The following CD53 variants were observed in gnomAD, a reference collection of about 807,000 sequenced individuals.
The protein encoded by CD53 is leukocyte surface antigen CD53.
Under a neutral mutation model 27.3 loss-of-function variants are expected in CD53, and 20 were observed. That is an observed-to-expected ratio of 0.73 (90% CI 0.52 to 1.07). The LOEUF (loss-of-function observed/expected upper bound fraction) is 1.07. Among genes scored for constraint, CD53 ranks in the 50% least tolerant of loss-of-function variants. CD53 has a pLI of 0.00. For synonymous variants in CD53, 106 were observed against 105.3 expected, an observed-to-expected ratio of 1.01 and a Z score of -0.04; for missense variants, 216 against 264.0, an observed-to-expected ratio of 0.82 and a Z score of 1.26.
chr1:110,878,784 T>C (rs1053793135), intron 1 of CD53, among the ~76,000 whole-genome samples: 9 of 152,206 alleles, frequency 5.9e-5, no homozygotes, highest in Non-Finnish European at 1.2e-4. Flanking sequence ...TTGCTGGGAT[T>C]TTCCAACATG....
chr1:110,887,695 A>G (rs1656683715), intron 1 of CD53, among the ~76,000 whole-genome samples: 1 of 152,176 alleles, frequency 6.6e-6, no homozygotes, highest in South Asian at 2.1e-4. Context: ...TGTGTACTCT[A>G]GCCTGTGAAT....
intron 3 of CD53, 161 bp from the exon 4 acceptor site, chr1:110,894,166 A>T (rs1436368084): frequency 1.6e-6 from 1 of 640,962 alleles, no homozygotes; most frequent in South Asian, 1.8e-5. Flanking sequence ...TAGAAAAAGA[A>T]CACATATTTT....
chr1:110,882,376 T>A (rs1656390942), intron 1 of CD53, among the ~76,000 whole-genome samples: 1 of 151,806 alleles, frequency 6.6e-6, no homozygotes, highest in South Asian at 2.1e-4. Flanking sequence ...TAATTTTGTA[T>A]TTTTTTTGAA....
Position 110,897,810 on chromosome 1 carries a change from G to A in CD53, c.506G>A (p.Gly169Asp). The A allele has an allele frequency of 6.3e-7, 1 of 1,592,372 alleles. No individual in the cohort carries two copies. The highest frequency in any genetic ancestry group is 8.6e-7 in the Non-Finnish European group (1 of 1,160,774). The change falls in exon 7 of 8, where the codon GGT (glycine) becomes GAT (aspartate). Residue 169 changes from glycine (G) to aspartate (D), a missense_variant and splice_region_variant. Physicochemically the swap from Gly to Asp is moderately conservative, Grantham distance 94. Transcript: ENST00000271324. ...ATTTGTAACTGAAATGTCTTCTAGG[G>A]TTGCTATGCGAAAGCAAGACTGTGG... ...ASCPSDRKVE[G>D]CYAKARLWFH...
chr1:110,898,011 A>G, intron 7 of CD53, 119 bp downstream of exon 7: 1 of 532,532 alleles, frequency 1.9e-6, no homozygotes, highest in Non-Finnish European at 3.3e-6. Context: ...TTACTAATAT[A>G]TGAATTCCCC....
In CD53 at chr1:110,898,616, T is replaced by C. The variant is rs187896210; in HGVS notation, c.589-508T>C. 3.9e-5 allele frequency among the ~76,000 whole-genome samples: 6 copies of C among 152,196 alleles called. No individual in the cohort carries two copies. The East Asian group carries it at 1.2e-3, about 29-fold the overall frequency. On this transcript the variant is annotated intron_variant, in intron 7 of 7. Transcript: ENST00000271324. ...TTTCCTCTTTGTTTCTGTGCTTAGT[T>C]TGACAAGTGATGGGTGAATTGAGGG...
intron 1 of CD53, among the ~76,000 whole-genome samples, chr1:110,881,479 C>A (rs1156807607): frequency 6.6e-6 from 1 of 151,892 alleles, no homozygotes; most frequent in Non-Finnish European, 1.5e-5. Flanking sequence ...AAAATTATAC[C>A]ACTATTTATT....
intron 1 of CD53, among the ~76,000 whole-genome samples, chr1:110,889,555 C>CAAATAAATAAATAAAT (rs57083589): frequency 6.2e-5 from 9 of 146,236 alleles, no homozygotes; most frequent in South Asian, 2.2e-4. Flanking sequence ...AAAACTCCGT[C>CAAATAAATAAATAAAT]AAATAAATAA....
chr1:110,890,887 T>C (rs959315960), intron 1 of CD53, among the ~76,000 whole-genome samples: 4 of 152,334 alleles, frequency 2.6e-5, no homozygotes, highest in Admixed American at 6.5e-5. Flanking sequence ...AAAGAATAAA[T>C]GAGGCGTGGA....
At position 110,884,980 on chromosome 1, in the gene CD53, T is replaced by C. The variant is rs368000655; in HGVS notation, c.-17-6412T>C. 5.3e-5 allele frequency among the ~76,000 whole-genome samples: 8 copies of C among 152,314 alleles called. No homozygotes were observed. The East Asian group carries it at 1.3e-3, about 26-fold the overall frequency. On this transcript the variant is annotated intron_variant, in intron 1 of 7. Transcript: ENST00000271324. ...TATGGTTGGGATTTTAGCATATTTG[T>C]TTTTTATTTGTCTCATTTTTCTACT... is the stretch of plus-strand genomic sequence containing the variant.
intron 1 of CD53, among the ~76,000 whole-genome samples, chr1:110,882,374 TA>T (rs1656390831): frequency 6.6e-6 from 1 of 152,120 alleles, no homozygotes; most frequent in African/African-American, 2.4e-5. Context: ...ATTAATTTTG[TA>T]TTTTTTTTGA....
Position 110,895,064 on chromosome 1 carries a change from A to T in CD53, c.423+9A>T. 6.3e-7 allele frequency: 1 copy of T among 1,590,844 alleles called. No individual in the cohort carries two copies. The highest frequency in any genetic ancestry group is 8.6e-7 in the Non-Finnish European group (1 of 1,158,906). On this transcript the variant is annotated intron_variant, in intron 5 of 7. Coordinates refer to ENST00000271324, the MANE Select transcript of CD53 (RefSeq NM_000560.4). ...ACTCCATCCAGTCATTTGTGAGTAC[A>T]GGTGGAATCCTCTTCAGATCAGCCC...
At chr1:110,897,372 A>G (rs183387634) in intron 6 of CD53, among the ~76,000 whole-genome samples, 4 of 152,368 alleles carry the variant, frequency 2.6e-5, no homozygotes, top group South Asian at 2.1e-4. Context: ...AAAGACTAGG[A>G]CAACCACTGA....
At chr1:110,891,618 T>C in intron 2 of CD53, 147 bp downstream of exon 2, 1 of 669,850 alleles carries the variant, frequency 1.5e-6, no homozygotes, top group Non-Finnish European at 2.7e-6. Flanking sequence ...AAAAGAGTAA[T>C]AATTTTTCCC....
chr1:110,897,246 CT>C (rs1474833982), intron 6 of CD53, among the ~76,000 whole-genome samples: 1 of 152,180 alleles, frequency 6.6e-6, no homozygotes, highest in African/African-American at 2.4e-5. Flanking sequence ...AGAATAGGCT[CT>C]GAGAAGAAGC....
chr1:110,894,248 C>T lies in CD53; in HGVS notation c.253-79C>T, dbSNP rs1277464591. The T allele has an allele frequency of 4.7e-6, 6 of 1,265,876 alleles. No individual in the cohort carries two copies. The East Asian group carries it at 1.4e-4, about 29-fold the overall frequency. 78.4% of individuals were successfully genotyped at this position (1,265,876 alleles called of 1,614,324 possible). A position where few individuals can be genotyped will look rare whatever the true frequency, so the allele number is the denominator to read the frequency against. On this transcript the variant is annotated intron_variant, in intron 3 of 7. Transcript: ENST00000271324. Reference sequence around the variant, plus strand: ...AACACCCTGTACTCGTGCAAATGCCCCTGGATGCTCCCAGAGCTGAGTGGG... The same window carrying T: ...AACACCCTGTACTCGTGCAAATGCCTCTGGATGCTCCCAGAGCTGAGTGGG...
chr1:110,898,207 C>T (rs1657148875), intron 7 of CD53, among the ~76,000 whole-genome samples: 1 of 151,984 alleles, frequency 6.6e-6, no homozygotes, highest in South Asian at 2.1e-4. Context: ...GAAACCCCGT[C>T]TCTACTAAAA....
chr1:110,875,391 T>C (rs1386010082), intron 1 of CD53, among the ~76,000 whole-genome samples: 2 of 152,146 alleles, frequency 1.3e-5, no homozygotes, highest in African/African-American at 2.4e-5. Context: ...TGATGGGATG[T>C]GGGTTTGAAA....
intron 6 of CD53, 33 bp downstream of exon 6, chr1:110,896,766 C>T (rs1260159067): frequency 1.3e-6 from 2 of 1,572,256 alleles, no homozygotes; most frequent in Admixed American, 1.7e-5. Flanking sequence ...TGTTATTGAC[C>T]TCTTTGTTTA....
Sources: gnomAD v4.1 joint callset for allele counts (sites outside exome capture counted in the v4.1 genomes callset) on GRCh38, gnomAD v4.1.1 for gene constraint, MANE v1.5 for transcripts, NCBI Gene and HGNC (gene_info 2026-07-23, HGNC 2026-07-21) for gene names.